Variants in CSMD1 observed in about 807,000 individuals in gnomAD.
The protein encoded by CSMD1 is CUB and Sushi multiple domains 1.
Under a neutral mutation model 417.5 loss-of-function variants are expected in CSMD1, and 213 were observed. That is an observed-to-expected ratio of 0.51 (90% CI 0.46 to 0.57). The LOEUF is 0.57. Among genes scored for constraint, CSMD1 ranks in the 20% least tolerant of loss-of-function variants. CSMD1 has a pLI of 0.00. For missense variants in CSMD1, 6,923 were observed against 4,529.7 expected, an observed-to-expected ratio of 1.53 and a Z score of -15.17; for synonymous variants, 2,862 against 1,736.8, an observed-to-expected ratio of 1.65 and a Z score of -16.11.
intron 3 of CSMD1, among the ~76,000 whole-genome samples, chr8:4,157,724 G>A (rs1796913124): frequency 6.6e-6 from 1 of 152,200 alleles, no homozygotes; most frequent in African/African-American, 2.4e-5. Flanking sequence ...TGTCCCTCTG[G>A]CCGTCCTTTT....
At chr8:3,431,664 T>G (rs1814224020) in intron 12 of CSMD1, among the ~76,000 whole-genome samples, 1 of 152,180 alleles carries the variant, frequency 6.6e-6, no homozygotes, top group Admixed American at 6.5e-5. Context: ...TCTCCCTTCA[T>G]GTTTCCGGTA....
intron 3 of CSMD1, among the ~76,000 whole-genome samples, chr8:4,202,568 C>T (rs956413894): frequency 6.6e-6 from 1 of 152,176 alleles, no homozygotes; most frequent in African/African-American, 2.4e-5. Context: ...CAAATTACTC[C>T]TGTATTCATT....
At chr8:3,341,867 C>T (rs1807679334) in intron 23 of CSMD1, among the ~76,000 whole-genome samples, 1 of 152,082 alleles carries the variant, frequency 6.6e-6, no homozygotes, top group Non-Finnish European at 1.5e-5. Context: ...GGGATGAAGA[C>T]ATCCAAGTAA....
intron 1 of CSMD1, among the ~76,000 whole-genome samples, chr8:4,893,016 T>C (rs1804227358): frequency 6.6e-6 from 1 of 152,174 alleles, no homozygotes; most frequent in African/African-American, 2.4e-5. Flanking sequence ...TCTGTGTTTG[T>C]AATTTGCATG....
chr8:4,453,286 T>C (rs1316523860), intron 2 of CSMD1, among the ~76,000 whole-genome samples: 1 of 151,760 alleles, frequency 6.6e-6, no homozygotes, highest in Non-Finnish European at 1.5e-5. Flanking sequence ...AACATGAATT[T>C]ACACTCCCAC....
rs578136255 is a variant in CSMD1 at position 3,858,776 on chromosome 8, G to C, written c.819-104734C>G. ...TTACACTCCTGTATAACTTATTTAG[G>C]ATTTAAAAGCACTGAATCATTTCTT... On this transcript the variant is annotated intron_variant, in intron 5 of 69. Coordinates refer to ENST00000635120, the MANE Select transcript of CSMD1 (RefSeq NM_033225.6). 2.0e-5 allele frequency among the ~76,000 whole-genome samples: 3 copies of C among 152,040 alleles called. No individual in the cohort carries two copies. In the South Asian group the frequency reaches 6.2e-4, roughly 32 times the overall value.
Position 3,716,382 on chromosome 8 carries a change from G to A in CSMD1, c.932-7891C>T, listed in dbSNP as rs147562875. Among the ~76,000 whole-genome samples the A allele has an allele frequency of 1.7e-3, 252 of 152,312 alleles. 2 individuals are homozygous for A. The highest frequency in any genetic ancestry group is 5.6e-3 in the African/African-American group (231 of 41,578). Reference sequence around the variant, plus strand: ...AGACAGAACAGTCTTGAAGGCCGCTGGTTGCCCATTTTTATGGTTATTTCT... The same window carrying A: ...AGACAGAACAGTCTTGAAGGCCGCTAGTTGCCCATTTTTATGGTTATTTCT... On this transcript the variant is annotated intron_variant, in intron 6 of 69. Transcript: ENST00000635120.
chr8:3,678,711 G>A (rs1799504766), intron 7 of CSMD1, among the ~76,000 whole-genome samples: 1 of 152,196 alleles, frequency 6.6e-6, no homozygotes, highest in African/African-American at 2.4e-5. Context: ...TCCTCGAGAA[G>A]AGCAACTCCA....
intron 25 of CSMD1, among the ~76,000 whole-genome samples, chr8:3,291,336 C>T (rs111649900): frequency 1.1e-4 from 15 of 133,956 alleles, no homozygotes; most frequent in African/African-American, 4.2e-4. Context: ...GATGCTGGCC[C>T]CATAAAATAA....
At chr8:4,851,290 T>C (rs911896261) in intron 1 of CSMD1, among the ~76,000 whole-genome samples, 2 of 152,120 alleles carry the variant, frequency 1.3e-5, no homozygotes, top group African/African-American at 4.8e-5. Context: ...TCATTTTTTA[T>C]GACTGCATAG....
chr8:3,886,509 G>A (rs1412604240), intron 5 of CSMD1, among the ~76,000 whole-genome samples: 1 of 152,220 alleles, frequency 6.6e-6, no homozygotes, highest in Non-Finnish European at 1.5e-5. Flanking sequence ...CTACCCAGCA[G>A]TGCTGCTGAA....
intron 5 of CSMD1, among the ~76,000 whole-genome samples, chr8:3,977,714 C>G (rs1263866959): frequency 1.3e-5 from 2 of 152,114 alleles, no homozygotes; most frequent in Admixed American, 1.3e-4. Context: ...TCATAGATGC[C>G]TGGAAATGAA....
chr8:4,703,998 T>A (rs949010201), intron 1 of CSMD1, among the ~76,000 whole-genome samples: 1 of 152,168 alleles, frequency 6.6e-6, no homozygotes, highest in Non-Finnish European at 1.5e-5. Flanking sequence ...GCTATGAGAA[T>A]CTAATGCCGA....
intron 3 of CSMD1, among the ~76,000 whole-genome samples, chr8:4,060,083 A>C (rs921733479): frequency 6.6e-6 from 1 of 152,198 alleles, no homozygotes; most frequent in African/African-American, 2.4e-5. Flanking sequence ...CACACCAAAA[A>C]GCCTATCCAC....
At chr8:4,665,033 A>T (rs563110418) in intron 1 of CSMD1, among the ~76,000 whole-genome samples, 1 of 152,304 alleles carries the variant, frequency 6.6e-6, no homozygotes, top group Non-Finnish European at 1.5e-5. Context: ...TTTAATTTTC[A>T]AACTGTTTAA....
intron 23 of CSMD1, among the ~76,000 whole-genome samples, chr8:3,338,860 G>A (rs1213442323): frequency 6.9e-6 from 1 of 143,970 alleles, no homozygotes; most frequent in Non-Finnish European, 1.5e-5. Context: ...TTAACTTTAA[G>A]TTTTAGGGTA....
At chr8:4,385,245 A>T (rs563720465) in intron 3 of CSMD1, among the ~76,000 whole-genome samples, 23 of 152,302 alleles carry the variant, frequency 1.5e-4, no homozygotes, top group African/African-American at 5.1e-4. Context: ...AAAAGTTCTT[A>T]AATAGGTGTT....
chr8:3,450,096 T>C (rs1815598267), intron 12 of CSMD1, among the ~76,000 whole-genome samples: 1 of 152,194 alleles, frequency 6.6e-6, no homozygotes, highest in Non-Finnish European at 1.5e-5. Flanking sequence ...GTTTGCTGAC[T>C]GTTTCACTTT....
chr8:3,378,260 G>A (rs1230413907), intron 18 of CSMD1, among the ~76,000 whole-genome samples: 2 of 152,268 alleles, frequency 1.3e-5, no homozygotes, highest in East Asian at 3.9e-4. Flanking sequence ...GTAATTAATA[G>A]CCTACCAACT....
Sources: gnomAD v4.1 joint callset for allele counts (sites outside exome capture counted in the v4.1 genomes callset) on GRCh38, gnomAD v4.1.1 for gene constraint, MANE v1.5 for transcripts, NCBI Gene and HGNC (gene_info 2026-07-23, HGNC 2026-07-21) for gene names.